ZNF469: variants seen among roughly 807,000 people sequenced by gnomAD.
ZNF469 encodes zinc finger protein 469.
A neutral mutation model predicts 1.0 loss-of-function variants in ZNF469; 1 was observed. The observed-to-expected ratio is 1.00, with a 90% CI of 0.35 to 4.73. The LOEUF (loss-of-function observed/expected upper bound fraction) is 4.73. ZNF469 is among the 30% of genes most tolerant of loss of function. ZNF469 has a pLI of 0.16. For missense variants in ZNF469, 6,100 were observed against 5,356.3 expected (o/e 1.14, Z -4.33); for synonymous variants, 2,703 against 2,363.4 (o/e 1.14, Z -4.17).
the ZNF469 span, among the ~76,000 whole-genome samples, chr16:88,241,559 G>C: frequency 1.3e-5 from 2 of 152,146 alleles, no homozygotes; most frequent in Admixed American, 6.5e-5. This position sits in a 1 kb window ranked among gnomAD's most constrained non-coding sequence, Gnocchi z 4.8. Flanking sequence ...CACAGTGGTT[G>C]TCCCTCCCTT....
At chr16:88,307,089 G>T in the ZNF469 span, among the ~76,000 whole-genome samples, 10 of 152,300 alleles carry the variant, frequency 6.6e-5, no homozygotes, top group Middle Eastern at 3.4e-3. Flanking sequence ...TCATAGAAAT[G>T]GGATCATACC....
chr16:88,229,755 C>G, the ZNF469 span, among the ~76,000 whole-genome samples: 1 of 152,138 alleles, frequency 6.6e-6, no homozygotes, highest in Admixed American at 6.5e-5. Flanking sequence ...GCAGCTCCCT[C>G]CTCACCAACA....
chr16:88,203,130 C>T, the ZNF469 span, among the ~76,000 whole-genome samples: 38 of 152,020 alleles, frequency 2.5e-4, no homozygotes, highest in African/African-American at 8.7e-4. Context: ...GTCTGAAGCT[C>T]GGAGTGGGAA....
chr16:88,419,541 G>A (rs1251458697), intron 1 of ZNF469, among the ~76,000 whole-genome samples: 1 of 152,172 alleles, frequency 6.6e-6, no homozygotes, highest in African/African-American at 2.4e-5. Flanking sequence ...CCCTTGTGTG[G>A]TGTCCAGGGT....
intron 2 of ZNF469, among the ~76,000 whole-genome samples, chr16:88,426,429 G>T (rs1905704305): frequency 6.6e-6 from 1 of 152,282 alleles, no homozygotes; most frequent in African/African-American, 2.4e-5. Flanking sequence ...AATGGCTCGG[G>T]TCTGAGTCCT....
At chr16:88,243,156 C>A in the ZNF469 span, among the ~76,000 whole-genome samples, 1 of 152,216 alleles carries the variant, frequency 6.6e-6, no homozygotes, top group African/African-American at 2.4e-5. Context: ...GTGAATTGTC[C>A]TTGGCTGGTG....
the ZNF469 span, among the ~76,000 whole-genome samples, chr16:88,153,851 A>G: frequency 1.3e-5 from 2 of 152,178 alleles, no homozygotes; most frequent in Non-Finnish European, 2.9e-5. Flanking sequence ...GAGAGAGAGA[A>G]GGGGAGACAG....
chr16:88,192,801 G>C, the ZNF469 span, among the ~76,000 whole-genome samples: 2 of 150,098 alleles, frequency 1.3e-5, no homozygotes, highest in Non-Finnish European at 3.0e-5. Context: ...TGATGACAAT[G>C]ATGGTAATGA....
chr16:88,339,130 G>C, the ZNF469 span, among the ~76,000 whole-genome samples: 1 of 144,068 alleles, frequency 6.9e-6, no homozygotes, highest in East Asian at 2.1e-4. Context: ...AGGGCCACTG[G>C]AGCGAGAGTG....
At chr16:88,335,065 A>T in the ZNF469 span, among the ~76,000 whole-genome samples, 2 of 152,232 alleles carry the variant, frequency 1.3e-5, no homozygotes, top group Non-Finnish European at 2.9e-5. Context: ...AGGAAGAGGC[A>T]GGGAGGACCC....
chr16:88,285,687 G>C, the ZNF469 span, among the ~76,000 whole-genome samples: 1 of 152,258 alleles, frequency 6.6e-6, no homozygotes, highest in Non-Finnish European at 1.5e-5. Context: ...CAGGGCCTCC[G>C]TGGGGCCGGT....
the ZNF469 span, among the ~76,000 whole-genome samples, chr16:88,144,300 G>A: frequency 6.6e-6 from 1 of 152,158 alleles, no homozygotes; most frequent in Non-Finnish European, 1.5e-5. Flanking sequence ...TTAACTTCGG[G>A]AACCATGCAC....
the ZNF469 span, among the ~76,000 whole-genome samples, chr16:88,144,862 C>T: frequency 1 from 151,295 of 151,746 alleles, 75,424 homozygotes; most frequent in Middle Eastern, 1. Context: ...TTTTTTTTCT[C>T]TTTTTGAGGC....
chr16:88,352,700 ACGTGGCGT>A, the ZNF469 span, among the ~76,000 whole-genome samples: 1 of 152,158 alleles, frequency 6.6e-6, no homozygotes, highest in Non-Finnish European at 1.5e-5. Context: ...AGCCGTGGGG[ACGTGGCGT>A]GGAAGATTTC....
In ZNF469 at chr16:88,436,544, G is replaced by T. The variant is rs548681380; in HGVS notation, c.9074G>T (p.Arg3025Ile). Residue 3025 changes from arginine (R) to isoleucine (I), a missense_variant, in exon 3 of 3, where the codon AGA (arginine) becomes ATA (isoleucine). By Grantham distance (97) the Arg-to-Ile change is moderately conservative (BLOSUM62 -3). Coordinates refer to ENST00000565624, the MANE Select transcript of ZNF469 (RefSeq NM_001367624.2). ...AGCCCCGAGCCCCCCAGCCTGGAGAGAGAACGCTGTGACGGTGGGCTTCCC... is the reference window on the plus strand; with the variant it reads ...AGCCCCGAGCCCCCCAGCCTGGAGATAGAACGCTGTGACGGTGGGCTTCCC... ...DVSPEPPSLERERCDGGLPGN... is the reference protein window; with the variant it reads ...DVSPEPPSLEIERCDGGLPGN... The T allele has an allele frequency of 5.2e-5, 81 of 1,549,620 alleles. No homozygotes were observed. The African/African-American group carries it at 9.4e-4, about 18-fold the overall frequency.
At chr16:88,406,132 C>G (rs1040559095) in intron 1 of ZNF469, among the ~76,000 whole-genome samples, 3 of 152,218 alleles carry the variant, frequency 2.0e-5, no homozygotes, top group African/African-American at 7.2e-5. Flanking sequence ...CCAGCCAGGC[C>G]CGACGACCTG....
chr16:88,351,866 CCA>C, the ZNF469 span, among the ~76,000 whole-genome samples: 5 of 152,362 alleles, frequency 3.3e-5, no homozygotes, highest in African/African-American at 4.8e-5. Flanking sequence ...CGTGCTCGCT[CCA>C]GCATCTCATT....
the ZNF469 span, among the ~76,000 whole-genome samples, chr16:88,175,032 C>G: frequency 1.3e-5 from 2 of 152,016 alleles, no homozygotes; most frequent in Non-Finnish European, 2.9e-5. Flanking sequence ...GACACAGACA[C>G]AAGCTGGAGC....
the ZNF469 span, among the ~76,000 whole-genome samples, chr16:88,358,060 G>A: frequency 6.6e-6 from 1 of 152,200 alleles, no homozygotes; most frequent in African/African-American, 2.4e-5. Context: ...GGGCCAGATG[G>A]CCTCAAGATC....
Sources: gnomAD v4.1 joint callset for allele counts (sites outside exome capture counted in the v4.1 genomes callset) on GRCh38, gnomAD v4.1.1 for gene constraint, Gnocchi (gnomAD v3.1) non-coding constraint, MANE v1.5 for transcripts, NCBI Gene and HGNC (gene_info 2026-07-23, HGNC 2026-07-21) for gene names.